The following DCLK1 variants were observed in gnomAD, a reference collection of about 807,000 sequenced individuals.
The protein encoded by DCLK1 is doublecortin like kinase 1, also known as serine/threonine-protein kinase DCLK1.
Under a neutral mutation model 86.2 loss-of-function variants are expected in DCLK1, and 16 were observed. That is an observed-to-expected ratio of 0.19 (90% confidence interval 0.13 to 0.28). The LOEUF is 0.28. Among genes scored for constraint, DCLK1 ranks in the 10% least tolerant of loss-of-function variants. DCLK1 has a pLI of 1.00. For synonymous variants in DCLK1, 369 were observed against 370.5 expected (o/e 1.00, Z 0.05); for missense variants, 590 against 940.2 (o/e 0.63, Z 4.87).
intron 4 of DCLK1, among the ~76,000 whole-genome samples, chr13:35,918,336 T>C (rs1409216198): frequency 6.6e-6 from 1 of 152,188 alleles, no homozygotes; most frequent in African/African-American, 2.4e-5. Context: ...AGACAGATCA[T>C]CTGTGAGGTT....
intron 1 of DCLK1, among the ~76,000 whole-genome samples, chr13:36,129,237 A>G (rs1469122337): frequency 6.6e-6 from 1 of 152,260 alleles, no homozygotes; most frequent in Non-Finnish European, 1.5e-5. Context: ...ATAATTTGGC[A>G]ATAGTTAGAA....
rs372355068 is a variant in DCLK1 at position 35,830,201 on chromosome 13, C to T, written c.1230-1894G>A. 3.3e-5 allele frequency among the ~76,000 whole-genome samples: 5 copies of T among 151,938 alleles called. No homozygotes were observed. The South Asian group carries it at 1.0e-3, about 31-fold the overall frequency. ...AGGAGTTCGAGACCAGCCTGGTAAA[C>T]ATGGTGAAACCCTGACTCTACTAAA... On this transcript the variant is annotated intron_variant, in intron 8 of 16. Transcript: ENST00000360631.
In DCLK1 at chr13:35,836,144, G is replaced by A; in HGVS notation, c.1121-3C>T. On this transcript the variant is annotated splice_polypyrimidine_tract_variant and splice_region_variant and intron_variant, in intron 7 of 16. Transcript: ENST00000360631. ...CTGGAAGCCTTCCTCCGACACTTCTGAAAGAATCATTAATACTTTTTTATT... is the reference window on the plus strand; with the variant it reads ...CTGGAAGCCTTCCTCCGACACTTCTAAAAGAATCATTAATACTTTTTTATT... The A allele has an allele frequency of 6.2e-7, 1 of 1,605,292 alleles. No individual in the cohort carries two copies. Among genetic ancestry groups the A allele is most frequent in the Non-Finnish European group, 8.5e-7 (1 of 1,176,004 alleles).
intron 3 of DCLK1, among the ~76,000 whole-genome samples, chr13:36,092,278 A>G (rs1884852051): frequency 6.6e-6 from 1 of 152,196 alleles, no homozygotes; most frequent in South Asian, 2.1e-4. Context: ...CTCATCTGTA[A>G]AAGAGAAAAA....
At chr13:35,842,941 C>T (rs909988270) in intron 6 of DCLK1, among the ~76,000 whole-genome samples, 4 of 152,158 alleles carry the variant, frequency 2.6e-5, no homozygotes, top group African/African-American at 9.7e-5. Context: ...TTAGACCCTG[C>T]TGGAACATTT....
At chr13:36,017,022 C>T (rs1881561916) in intron 3 of DCLK1, among the ~76,000 whole-genome samples, 1 of 152,124 alleles carries the variant, frequency 6.6e-6, no homozygotes, top group Admixed American at 6.5e-5. Context: ...ATTTGCCTTG[C>T]AGAAAAATAT....
At chr13:35,843,469 T>C (rs995443647) in intron 6 of DCLK1, among the ~76,000 whole-genome samples, 3 of 152,156 alleles carry the variant, frequency 2.0e-5, no homozygotes, top group African/African-American at 7.2e-5. Context: ...CTTTTTGAAG[T>C]AAGTGAGAAA....
intron 5 of DCLK1, among the ~76,000 whole-genome samples, chr13:35,863,742 A>G (rs1455431703): frequency 2.6e-5 from 4 of 152,250 alleles, no homozygotes; most frequent in Non-Finnish European, 1.5e-5. Context: ...AATAGCTGGC[A>G]ATCTGCCTTT....
intron 3 of DCLK1, among the ~76,000 whole-genome samples, chr13:35,949,764 G>A (rs980616975): frequency 4.6e-5 from 7 of 150,808 alleles, no homozygotes; most frequent in Non-Finnish European, 8.8e-5. Context: ...TCAGTTTACT[G>A]ATGACCATTC....
At chr13:35,807,858 T>G (rs111832320) in intron 14 of DCLK1, among the ~76,000 whole-genome samples, 9 of 152,300 alleles carry the variant, frequency 5.9e-5, no homozygotes, top group African/African-American at 1.9e-4. Context: ...CTGGGAAGGC[T>G]TCACTGGGAA....
chr13:36,004,454 AGGGCTGGG>A (rs996356491), intron 3 of DCLK1, among the ~76,000 whole-genome samples: 1 of 151,602 alleles, frequency 6.6e-6, no homozygotes, highest in Non-Finnish European at 1.5e-5. Context: ...GAAAGGGTAA[AGGGCTGGG>A]GTGGGGGAAA....
chr13:35,875,124 T>C (rs2153115410), intron 4 of DCLK1, among the ~76,000 whole-genome samples: 1 of 152,350 alleles, frequency 6.6e-6, no homozygotes, highest in East Asian at 1.9e-4. Context: ...GACCTCATGT[T>C]TGAAAAATGT....
intron 10 of DCLK1, among the ~76,000 whole-genome samples, chr13:35,823,132 T>C (rs2087436045): frequency 1.3e-5 from 2 of 152,052 alleles, no homozygotes; most frequent in African/African-American, 4.8e-5. Context: ...ACCAGACACA[T>C]GGCCATTTCC....
Position 36,126,079 on chromosome 13 carries a change from C to A in DCLK1, c.59G>T (p.Arg20Ile). The A allele has an allele frequency of 6.2e-7, 1 of 1,612,334 alleles. No individual in the cohort carries two copies. Residue 20 changes from arginine to isoleucine, a missense_variant, in exon 2 of 17, where the codon AGA becomes ATA. Arg to Ile is a moderately conservative substitution (Grantham distance 97). Coordinates refer to ENST00000360631, the MANE Select transcript of DCLK1 (RefSeq NM_001330071.2). ...EHFDERDKAQ[R>I]YSRGSRVNGL... Reference sequence around the variant, plus strand: ...GTTCACCCGCGACCCTCGGCTGTATCTCTGCGCCTTATCCCGCTCGTCGAA... The same window carrying A: ...GTTCACCCGCGACCCTCGGCTGTATATCTGCGCCTTATCCCGCTCGTCGAA...
At chr13:35,872,907 CTTATATA>C (rs1480283393) in intron 4 of DCLK1, among the ~76,000 whole-genome samples, 1 of 152,086 alleles carries the variant, frequency 6.6e-6, no homozygotes, top group Non-Finnish European at 1.5e-5. Flanking sequence ...ATTTTCCATA[CTTATATA>C]TTATAATCAT....
intron 10 of DCLK1, among the ~76,000 whole-genome samples, chr13:35,823,305 T>C (rs1355682143): frequency 1.3e-5 from 2 of 151,798 alleles, no homozygotes; most frequent in Non-Finnish European, 2.9e-5. Context: ...CAGGTAATAC[T>C]GCAAACTGCA....
At chr13:35,859,045 G>A (rs576338563) in intron 5 of DCLK1, among the ~76,000 whole-genome samples, 1 of 152,060 alleles carries the variant, frequency 6.6e-6, no homozygotes, top group African/African-American at 2.4e-5. Flanking sequence ...TTTTTACTCT[G>A]TAATGCCAGA....
intron 2 of DCLK1, among the ~76,000 whole-genome samples, chr13:36,114,676 A>G (rs765897152): frequency 3.3e-5 from 5 of 152,254 alleles, no homozygotes; most frequent in Non-Finnish European, 7.3e-5. Context: ...TACAGTAATC[A>G]TAACACTGAA....
chr13:35,900,603 T>A (rs958484035), intron 4 of DCLK1, among the ~76,000 whole-genome samples: 1 of 152,182 alleles, frequency 6.6e-6, no homozygotes, highest in African/African-American at 2.4e-5. Flanking sequence ...TTGCGCAAGC[T>A]TACACTACTT....
Sources: allele counts gnomAD v4.1 joint callset (sites outside exome capture counted in the v4.1 genomes callset), GRCh38; gene constraint gnomAD v4.1.1; transcripts MANE v1.5; gene names NCBI Gene and HGNC (gene_info 2026-07-23, HGNC 2026-07-21).